NAV3: variants seen among roughly 807,000 people sequenced by gnomAD.
The protein encoded by NAV3 is neuron navigator 3.
NAV3 carries 87 observed loss-of-function variants against 244.7 expected under a neutral mutation model. The observed-to-expected ratio is 0.36, with a 90% confidence interval of 0.30 to 0.42. The LOEUF (loss-of-function observed/expected upper bound fraction) is 0.42. NAV3 is among the 20% of genes least tolerant of loss of function. The pLI is 1.00. For synonymous variants in NAV3, 1,126 were observed against 1,042.2 expected, an observed-to-expected ratio of 1.08 and a Z score of -1.55; for missense variants, 2,663 against 2,893.3, an observed-to-expected ratio of 0.92 and a Z score of 1.83.
At chr12:77,725,352 C>A (rs10777382) in intron 2 of NAV3, among the ~76,000 whole-genome samples, 96,889 of 151,888 alleles carry the variant, frequency 0.64, 34,945 homozygotes, top group East Asian at 0.88. Context: ...TTGTAATATT[C>A]ATATAACTGA....
chr12:77,956,102 ATTTTAC>A (rs1025785632), intron 3 of NAV3, among the ~76,000 whole-genome samples: 8 of 152,154 alleles, frequency 5.3e-5, no homozygotes, highest in African/African-American at 1.9e-4. Flanking sequence ...ATATTACTGT[ATTTTAC>A]TTTAACTCTC....
At chr12:77,979,050 T>G (rs1249830998) in intron 5 of NAV3, among the ~76,000 whole-genome samples, 1 of 151,494 alleles carries the variant, frequency 6.6e-6, no homozygotes, top group African/African-American at 2.4e-5. Flanking sequence ...TTTGAAAAAT[T>G]ACTGACATAA....
In NAV3 at chr12:78,177,633, T is replaced by A. The variant is rs377371029; in HGVS notation, c.5311T>A (p.Trp1771Arg). The stretch of plus-strand genomic sequence containing the variant: ...ATGTACATACAGGTCACCCCTTGTC[T>A]GGCCACCAAAGAAACGACAAAATGG... ...SQSASASPLVWPPKKRQNGPV... is the reference protein window; with the variant it reads ...SQSASASPLVRPPKKRQNGPV... Residue 1771 changes from tryptophan to arginine, a missense_variant, in exon 28 of 40, where the codon TGG becomes AGG. By Grantham distance (101) the Trp-to-Arg change is moderately radical. Coordinates refer to ENST00000397909, the MANE Select transcript of NAV3 (RefSeq NM_001024383.2). 7.2e-5 allele frequency: 115 copies of A among 1,597,198 alleles called. No individual in the cohort carries two copies. Among genetic ancestry groups the A allele is most frequent in the Non-Finnish European group, 9.1e-5 (107 of 1,179,200 alleles).
intron 16 of NAV3, among the ~76,000 whole-genome samples, chr12:78,126,590 G>GAT (rs1565690116): frequency 1.3e-5 from 2 of 151,910 alleles, no homozygotes; most frequent in Non-Finnish European, 2.9e-5. Context: ...TCTAAAAGAT[G>GAT]GTATAGCTTA....
chr12:78,146,323 G>C, intron 20 of NAV3, 46 bp from the exon 21 acceptor site: 1 of 853,178 alleles, frequency 1.2e-6, no homozygotes, highest in Non-Finnish European at 1.7e-6. Flanking sequence ...GGAATTAATT[G>C]AAAATAGTTT....
At chr12:78,187,877 C>T (rs1958796557) in intron 31 of NAV3, among the ~76,000 whole-genome samples, 1 of 151,908 alleles carries the variant, frequency 6.6e-6, no homozygotes, top group Admixed American at 6.6e-5. Context: ...CCATTTCCCT[C>T]CTACCAAGCT....
chr12:78,134,153 C>A (rs1337014268), intron 18 of NAV3, among the ~76,000 whole-genome samples: 5 of 151,588 alleles, frequency 3.3e-5, no homozygotes, highest in Non-Finnish European at 7.4e-5. Context: ...GGAACAGTTT[C>A]TATGCTTTTG....
chr12:77,639,608 AT>A (rs1417844733), intron 2 of NAV3, among the ~76,000 whole-genome samples: 1 of 152,082 alleles, frequency 6.6e-6, no homozygotes, highest in East Asian at 1.9e-4. Flanking sequence ...AGGTACACAC[AT>A]TTATTATTTG....
At chr12:77,872,746 C>T (rs949315857) in intron 1 of NAV3, among the ~76,000 whole-genome samples, 2 of 152,154 alleles carry the variant, frequency 1.3e-5, no homozygotes, top group African/African-American at 4.8e-5. Flanking sequence ...CATTTCGGAA[C>T]TCTATATGAC....
chr12:77,716,809 G>T (rs1876382919), intron 2 of NAV3, among the ~76,000 whole-genome samples: 1 of 151,818 alleles, frequency 6.6e-6, no homozygotes, highest in South Asian at 2.1e-4. Context: ...CTATAAAAAG[G>T]GTTCTGCAAG....
At chr12:78,090,147 G>A (rs1007805149) in intron 12 of NAV3, among the ~76,000 whole-genome samples, 1 of 150,202 alleles carries the variant, frequency 6.7e-6, no homozygotes, top group African/African-American at 2.4e-5. Flanking sequence ...TCCTCCCCCT[G>A]CCCAAATACA....
At chr12:77,998,536 T>C in intron 7 of NAV3, 60 bp downstream of exon 7, 1 of 1,484,448 alleles carries the variant, frequency 6.7e-7, no homozygotes, top group Non-Finnish European at 9.0e-7. Context: ...AATTGCATGC[T>C]AAATCTAATA....
chr12:77,930,195 G>A (rs1035709261), intron 1 of NAV3, among the ~76,000 whole-genome samples: 3 of 151,936 alleles, frequency 2.0e-5, no homozygotes, highest in African/African-American at 4.8e-5. Flanking sequence ...TGGTATATAA[G>A]GACTTTGCTT....
At chr12:77,959,984 T>C (rs1394355155) in intron 3 of NAV3, among the ~76,000 whole-genome samples, 1 of 146,762 alleles carries the variant, frequency 6.8e-6, no homozygotes, top group Non-Finnish European at 1.5e-5. Flanking sequence ...CAAATGCTAT[T>C]ACAGATTATA....
At chr12:78,045,733 A>T (rs1331888727) in intron 9 of NAV3, among the ~76,000 whole-genome samples, 1 of 152,128 alleles carries the variant, frequency 6.6e-6, no homozygotes, top group Admixed American at 6.6e-5. Context: ...TATCAGGATG[A>T]TGCTGGCCTC....
At position 77,767,724 on chromosome 12, in the gene NAV3, A is replaced by T. The variant is rs546162805; in HGVS notation, c.73-172595A>T. On this transcript the variant is annotated intron_variant, in intron 2 of 8. Coordinates refer to the NAV3 transcript ENST00000550042. Reference sequence around the variant, plus strand: ...AACACAGTGGCGCCCAGGAGCTTGGAGACACCAGAAACTGCAGAGCCCCAA... The same window carrying T: ...AACACAGTGGCGCCCAGGAGCTTGGTGACACCAGAAACTGCAGAGCCCCAA... Among the ~76,000 whole-genome samples, 3 of 152,314 alleles carry T rather than the reference A, an allele frequency of 2.0e-5. No individual in the cohort carries two copies. In the South Asian group the frequency reaches 6.2e-4, roughly 32 times the overall value.
At chr12:78,020,814 A>G (rs1032932412) in intron 8 of NAV3, among the ~76,000 whole-genome samples, 11 of 152,150 alleles carry the variant, frequency 7.2e-5, no homozygotes. Context: ...ATATTGAAAG[A>G]TCACTTGTCA....
At chr12:77,667,892 T>C (rs1192045730) in intron 2 of NAV3, among the ~76,000 whole-genome samples, 1 of 152,142 alleles carries the variant, frequency 6.6e-6, no homozygotes, top group Non-Finnish European at 1.5e-5. Context: ...TCACAGAGTC[T>C]TCTTCACTCC....
At chr12:77,755,912 A>C (rs1732152781) in intron 2 of NAV3, among the ~76,000 whole-genome samples, 1 of 151,874 alleles carries the variant, frequency 6.6e-6, no homozygotes, top group African/African-American at 2.4e-5. Flanking sequence ...ATTTTAAGAA[A>C]TATTTGAAGA....
Sources: allele counts gnomAD v4.1 joint callset (sites outside exome capture counted in the v4.1 genomes callset), GRCh38; gene constraint gnomAD v4.1.1; transcripts MANE v1.5; gene names NCBI Gene and HGNC (gene_info 2026-07-23, HGNC 2026-07-21).